The following USP20 variants were observed in gnomAD, a reference collection of about 807,000 sequenced individuals.
USP20 encodes ubiquitin carboxyl-terminal hydrolase 20.
Under a neutral mutation model 124.2 loss-of-function variants are expected in USP20, and 80 were observed. That is an observed-to-expected ratio of 0.64 (90% CI 0.54 to 0.78). USP20 has a LOEUF of 0.78. Ranked by LOEUF, USP20 falls within the 30% of genes least tolerant of loss-of-function variation. The pLI is 0.00. For synonymous variants in USP20, 481 were observed against 512.3 expected (o/e 0.94, Z 0.83); for missense variants, 1,043 against 1,244.4 (o/e 0.84, Z 2.44).
intron 1 of USP20, among the ~76,000 whole-genome samples, chr9:129,842,278 C>T (rs775770105): frequency 7.9e-5 from 12 of 152,234 alleles, no homozygotes; most frequent in Non-Finnish European, 1.3e-4. Context: ...CCATAGTGAC[C>T]GTTACCTCCC....
intron 11 of USP20, 55 bp from the exon 12 acceptor site, chr9:129,868,807 C>T: frequency 2.7e-6 from 4 of 1,508,760 alleles, no homozygotes; most frequent in South Asian, 1.3e-5. Context: ...TTCCTGCCCA[C>T]TCGTGGAGCT....
chr9:129,864,179 C>T (rs139050924), intron 9 of USP20, among the ~76,000 whole-genome samples: 1 of 151,988 alleles, frequency 6.6e-6, no homozygotes, highest in African/African-American at 2.4e-5. Flanking sequence ...GATTAAAAAC[C>T]AGCGTGGGGC....
chr9:129,875,194 A>AC (rs2034329605), intron 19 of USP20, 116 bp from the exon 20 acceptor site: 1 of 1,283,738 alleles, frequency 7.8e-7, no homozygotes. Context: ...CCCGTGAAGG[A>AC]CCCAGGAGGT....
In USP20 at chr9:129,876,117, A is replaced by G. The variant is rs769841142; in HGVS notation, c.2301-13A>G. On this transcript the variant is annotated splice_polypyrimidine_tract_variant and intron_variant, in intron 21 of 25. Coordinates refer to ENST00000372429, the MANE Select transcript of USP20 (RefSeq NM_001110303.4). ...CGCTCAGGCCGTGTCTCTCTCTCCC[A>G]CCCTGGGCACAGATTCGGGGGTGGC... 53 of 1,604,998 alleles carry G rather than the reference A, an allele frequency of 3.3e-5. No individual in the cohort carries two copies. In the African/African-American group the frequency reaches 5.9e-4, roughly 18 times the overall value.
At chr9:129,851,453 A>G (rs964072637) in intron 2 of USP20, among the ~76,000 whole-genome samples, 7 of 152,060 alleles carry the variant, frequency 4.6e-5, no homozygotes, top group African/African-American at 1.2e-4. Context: ...CTGTAGTACA[A>G]TCAGTAAACT....
chr9:129,868,595 C>T, intron 11 of USP20, 146 bp downstream of exon 11: 1 of 1,432,746 alleles, frequency 7.0e-7, no homozygotes, highest in Non-Finnish European at 9.1e-7. Flanking sequence ...TCCGGGGGGG[C>T]TCAGTGATGT....
intron 9 of USP20, among the ~76,000 whole-genome samples, chr9:129,865,045 C>T (rs913318): frequency 0.88 from 133,543 of 152,252 alleles, 58,957 homozygotes; most frequent in East Asian, 1. Context: ...CATGTTTAGG[C>T]GAGTTTGTTG....
intron 1 of USP20, among the ~76,000 whole-genome samples, 187 bp from the exon 2 acceptor site, chr9:129,849,626 G>T (rs973614573): frequency 6.6e-6 from 1 of 152,126 alleles, no homozygotes; most frequent in Non-Finnish European, 1.5e-5. Context: ...AGGTGGGTGT[G>T]GTGGTGCACA....
At chr9:129,854,665 G>T (rs1044667669) in intron 3 of USP20, among the ~76,000 whole-genome samples, 2 of 152,256 alleles carry the variant, frequency 1.3e-5, no homozygotes, top group Non-Finnish European at 2.9e-5. Flanking sequence ...CTGGGAAGAG[G>T]AGGGTGAATT....
rs201204036 is a variant in USP20 at position 129,875,589 on chromosome 9, G to C, written c.2248G>C (p.Asp750His). Reference sequence around the variant, plus strand: ...CCCGCCCCACAAATACCACTACATCGACGACCTGGTGGTCATCCTGCCCCA... The same window carrying C: ...CCCGCCCCACAAATACCACTACATCCACGACCTGGTGGTCATCCTGCCCCA... ...GIPPHKYHYI[D>H]DLVVILPQNV... Residue 750 changes from aspartate (D) to histidine (H), a missense_variant, in exon 21 of 26, where the codon GAC (aspartate) becomes CAC (histidine). Coordinates refer to ENST00000372429, the MANE Select transcript of USP20 (RefSeq NM_001110303.4). 6.2e-7 allele frequency: 1 copy of C among 1,613,964 alleles called. No homozygotes were observed. The highest frequency in any genetic ancestry group is 2.2e-5 in the East Asian group (1 of 44,854).
chr9:129,880,533 C>T lies in USP20; in HGVS notation c.*83C>T. ...AAGAGAGGCCGGGCTGCTGCAGAAC[C>T]CCGCCGTGTAAAGAGGCAGAAAAGT... On this transcript the variant is annotated 3_prime_UTR_variant, in exon 26 of 26. Coordinates refer to ENST00000372429, the MANE Select transcript of USP20 (RefSeq NM_001110303.4). 6.0e-6 allele frequency: 3 copies of T among 497,652 alleles called. No homozygotes were observed. Among genetic ancestry groups the T allele is most frequent in the South Asian group, 6.1e-5 (2 of 32,762 alleles). 30.8% of individuals were successfully genotyped at this position (497,652 alleles called of 1,614,324 possible).
Position 129,879,456 on chromosome 9 carries a change from T to G in USP20, c.2513-117T>G. Reference sequence around the variant, plus strand: ...TTGGGTGGCTCAGGCGCCTCATCCATTAGAGACTTCACGCTGACCCCCAGG... The same window carrying G: ...TTGGGTGGCTCAGGCGCCTCATCCAGTAGAGACTTCACGCTGACCCCCAGG... On this transcript the variant is annotated intron_variant, in intron 23 of 25. Coordinates refer to ENST00000372429, the MANE Select transcript of USP20 (RefSeq NM_001110303.4). The surrounding 1 kb of genome is among the most constrained non-coding windows in gnomAD (Gnocchi z 4.2). 3 of 982,306 alleles carry G rather than the reference T, an allele frequency of 3.1e-6. No homozygotes were observed. The highest frequency in any genetic ancestry group is 3.2e-6 in the Non-Finnish European group (2 of 633,454). The allele number at this position is 982,306 out of a possible 1,614,324, so 60.8% of individuals were successfully genotyped here. A position where few individuals can be genotyped will look rare whatever the true frequency, so the allele number is the denominator to read the frequency against.
chr9:129,877,062 G>A (rs909553460), intron 22 of USP20, among the ~76,000 whole-genome samples: 3 of 152,186 alleles, frequency 2.0e-5, no homozygotes, highest in Non-Finnish European at 4.4e-5. Flanking sequence ...AAGTGTGACT[G>A]TGTTTAGAAG....
At chr9:129,865,499 A>C in intron 10 of USP20, 118 bp downstream of exon 10, 2 of 1,057,590 alleles carry the variant, frequency 1.9e-6, no homozygotes, top group Non-Finnish European at 2.9e-6. Context: ...GGCAGGTCTC[A>C]CGGACCAGGC....
chr9:129,857,339 C>T (rs1312059396), intron 4 of USP20, among the ~76,000 whole-genome samples: 1 of 152,238 alleles, frequency 6.6e-6, no homozygotes, highest in South Asian at 2.1e-4. Context: ...GAAAATGGCA[C>T]GTGCTTTCTG....
chr9:129,870,633 C>T (rs2034076681), intron 15 of USP20, 86 bp downstream of exon 15: 1 of 1,457,152 alleles, frequency 6.9e-7, no homozygotes, highest in East Asian at 2.4e-5. Flanking sequence ...GCATGCAGCC[C>T]AGGGCTTGTG....
chr9:129,841,680 G>A (rs1462486631), intron 1 of USP20, among the ~76,000 whole-genome samples: 1 of 152,176 alleles, frequency 6.6e-6, no homozygotes, highest in Non-Finnish European at 1.5e-5. Context: ...CAGGAATGGG[G>A]GTTCAGAAGC....
chr9:129,856,260 A>G, intron 3 of USP20, 47 bp from the exon 4 acceptor site: 2 of 1,591,264 alleles, frequency 1.3e-6, no homozygotes, highest in Non-Finnish European at 1.7e-6. Context: ...CAGCCCCGCA[A>G]CGGGCTCCTC....
At position 129,865,382 on chromosome 9, in the gene USP20, G is replaced by T; in HGVS notation, c.690+1G>T. ...AATGTTCCGAGGCTATGCCCAGCAG[G>T]TAAGCCATCTGAGCTGCCCAGGGGA... On this transcript the variant is annotated splice_donor_variant, in intron 10 of 25. Coordinates refer to ENST00000372429, the MANE Select transcript of USP20 (RefSeq NM_001110303.4). LOFTEE classifies it high-confidence loss of function. 1.2e-6 allele frequency: 2 copies of T among 1,614,128 alleles called. No individual in the cohort carries two copies. Among genetic ancestry groups the T allele is most frequent in the Non-Finnish European group, 1.7e-6 (2 of 1,179,956 alleles).
Sources: gnomAD v4.1 joint callset for allele counts (sites outside exome capture counted in the v4.1 genomes callset) on GRCh38, gnomAD v4.1.1 for gene constraint, Gnocchi (gnomAD v3.1) non-coding constraint, MANE v1.5 for transcripts, NCBI Gene and HGNC (gene_info 2026-07-23, HGNC 2026-07-21) for gene names.